TCF20: variants seen among roughly 807,000 people sequenced by gnomAD.
The protein encoded by TCF20 is transcription factor 20, also known as SPRE-binding protein.
A neutral mutation model predicts 148.6 loss-of-function variants in TCF20; 3 were observed. That is an observed-to-expected ratio of 0.02 (90% CI 0.01 to 0.05). The LOEUF (loss-of-function observed/expected upper bound fraction) is 0.05. Among genes scored for constraint, TCF20 ranks in the 10% least tolerant of loss-of-function variants. TCF20 has a pLI of 1.00. For missense variants in TCF20, 2,350 were observed against 2,429.3 expected (o/e 0.97, Z 0.69); for synonymous variants, 1,049 against 909.5 (o/e 1.15, Z -2.76).
chr22:42,285,327 G>C (rs2147021186), upstream of TCF20, among the ~76,000 whole-genome samples: 1 of 152,032 alleles, frequency 6.6e-6, no homozygotes, highest in East Asian at 1.9e-4. This position sits in a 1 kb window ranked among gnomAD's most constrained non-coding sequence, Gnocchi z 4.2. Flanking sequence ...CAGGGTTACA[G>C]GCAAGGACAC....
Position 42,161,213 on chromosome 22 carries a change from G to C in TCF20, c.*190C>G. Reference sequence around the variant, plus strand: ...TTCTTTCCTGTGGTGTCACTGGTTTGAGTGTGATGTGAGAACTTAAGGAAG... The same window carrying C: ...TTCTTTCCTGTGGTGTCACTGGTTTCAGTGTGATGTGAGAACTTAAGGAAG... On this transcript the variant is annotated 3_prime_UTR_variant, in exon 6 of 6. Transcript: ENST00000677622. 1.0e-6 allele frequency: 1 copy of C among 982,898 alleles called. No individual in the cohort carries two copies. Among genetic ancestry groups the C allele is most frequent in the Non-Finnish European group, 1.5e-6 (1 of 680,360 alleles). 60.9% of individuals were successfully genotyped at this position (982,898 alleles called of 1,614,324 possible).
intron 3 of TCF20, among the ~76,000 whole-genome samples, chr22:42,176,380 G>T (rs943547829): frequency 1.2e-4 from 3 of 24,950 alleles, no homozygotes; most frequent in South Asian, 1.3e-3. Context: ...TGGAAGGAAG[G>T]GGGGGGCAGG....
chr22:42,343,160 C>T lies in TCF20; in HGVS notation c.-37+319G>A, dbSNP rs576869239. On this transcript the variant is annotated intron_variant, in intron 1 of 1. Transcript: ENST00000515426. ...CTCCCACTGTAGAGTCAAGCGGCCC[C>T]AGGGGCAAATCCCGGCTGGCCACTT... is the stretch of plus-strand genomic sequence containing the variant. 5.1e-4 allele frequency among the ~76,000 whole-genome samples: 77 copies of T among 152,328 alleles called. 1 individual carries two copies. The South Asian group carries it at 0.016, about 32-fold the overall frequency.
At chr22:42,208,762 T>G (rs1938563641) in intron 2 of TCF20, among the ~76,000 whole-genome samples, 1 of 152,062 alleles carries the variant, frequency 6.6e-6, no homozygotes, top group African/African-American at 2.4e-5. Context: ...TGCCTTATAT[T>G]AACAGGAATT....
intron 3 of TCF20, 119 bp downstream of exon 3, chr22:42,179,490 C>CAAAAAAAAA (rs57857271): frequency 9.8e-4 from 365 of 373,000 alleles, no homozygotes; most frequent in African/African-American, 1.2e-3. Flanking sequence ...TATGAAGTGA[C>CAAAAAAAAA]AAAAAAAAAA....
intron 1 of TCF20, among the ~76,000 whole-genome samples, chr22:42,236,954 C>CT (rs1189854890): frequency 6.6e-6 from 1 of 152,184 alleles, no homozygotes; most frequent in Non-Finnish European, 1.5e-5. Flanking sequence ...GAGTCCTAAT[C>CT]TTTTTGCTGA....
At chr22:42,176,350 G>A (rs902646778) in intron 3 of TCF20, among the ~76,000 whole-genome samples, 8 of 146,788 alleles carry the variant, frequency 5.5e-5, no homozygotes, top group African/African-American at 2.0e-4. Context: ...AAAGTCAGGA[G>A]CTGCAAGCAA....
intron 2 of TCF20, among the ~76,000 whole-genome samples, chr22:42,203,656 T>C (rs1938192807): frequency 6.6e-6 from 1 of 152,158 alleles, no homozygotes. Context: ...TGCTATATAC[T>C]GAAAGCCATG....
chr22:42,283,383 C>T (rs1926952172), intron 1 of TCF20, among the ~76,000 whole-genome samples: 1 of 150,812 alleles, frequency 6.6e-6, no homozygotes, highest in Non-Finnish European at 1.5e-5. Flanking sequence ...GGATCTGGAC[C>T]GGAGGGGACG....
At chr22:42,245,731 A>G (rs773747702) in intron 1 of TCF20, among the ~76,000 whole-genome samples, 4 of 152,118 alleles carry the variant, frequency 2.6e-5, no homozygotes, top group Non-Finnish European at 5.9e-5. Context: ...GAATTAACCA[A>G]TGTTTTCTAG....
At chr22:42,265,774 C>A (rs966786571) in intron 1 of TCF20, among the ~76,000 whole-genome samples, 13 of 152,138 alleles carry the variant, frequency 8.5e-5, no homozygotes, top group African/African-American at 3.1e-4. Context: ...TGAGTGAGAG[C>A]AGTCACCATA....
intron 1 of TCF20, among the ~76,000 whole-genome samples, chr22:42,242,903 C>T (rs527777456): frequency 2.6e-5 from 4 of 151,860 alleles, no homozygotes; most frequent in African/African-American, 4.8e-5. Flanking sequence ...AGAAAAAAGA[C>T]ATGCAGGAAC....
chr22:42,298,308 G>A (rs1927271275), intron 1 of TCF20, among the ~76,000 whole-genome samples: 1 of 152,236 alleles, frequency 6.6e-6, no homozygotes, highest in South Asian at 2.1e-4. Context: ...AGAGAGGGTA[G>A]GTGAAGGTGG....
chr22:42,327,325 A>G (rs1052288895), intron 1 of TCF20, among the ~76,000 whole-genome samples: 1 of 152,118 alleles, frequency 6.6e-6, no homozygotes, highest in African/African-American at 2.4e-5. Flanking sequence ...AGCAGTGGGC[A>G]CCTGCCATGG....
At chr22:42,163,971 G>A (rs967203999) in intron 5 of TCF20, among the ~76,000 whole-genome samples, 44 of 151,928 alleles carry the variant, frequency 2.9e-4, no homozygotes, top group Non-Finnish European at 5.4e-4. Flanking sequence ...CCATCCTCGC[G>A]TCCTTCCACA....
chr22:42,281,494 A>G (rs939590825), intron 1 of TCF20, among the ~76,000 whole-genome samples: 1 of 152,166 alleles, frequency 6.6e-6, no homozygotes, highest in African/African-American at 2.4e-5. Flanking sequence ...CAACGGCTTC[A>G]GCCACAGAGT....
At chr22:42,180,136 T>C (rs764921791) in intron 2 of TCF20, among the ~76,000 whole-genome samples, 6 of 152,188 alleles carry the variant, frequency 3.9e-5, no homozygotes, top group Non-Finnish European at 7.4e-5. Context: ...GTAGTAGAGT[T>C]ATATATAAAC....
chr22:42,241,058 G>A (rs1331824524), intron 1 of TCF20, among the ~76,000 whole-genome samples: 1 of 152,130 alleles, frequency 6.6e-6, no homozygotes, highest in African/African-American at 2.4e-5. Flanking sequence ...GTTTCACCAT[G>A]TTGGCCAGGC....
intron 1 of TCF20, among the ~76,000 whole-genome samples, chr22:42,305,977 A>AG (rs1415793972): frequency 6.6e-6 from 1 of 152,192 alleles, no homozygotes; most frequent in Non-Finnish European, 1.5e-5. Context: ...AAAGGCTGGC[A>AG]TTGGCTGAGC....
Sources: gnomAD v4.1 joint callset for allele counts (sites outside exome capture counted in the v4.1 genomes callset) on GRCh38, gnomAD v4.1.1 for gene constraint, Gnocchi (gnomAD v3.1) non-coding constraint, MANE v1.5 for transcripts, NCBI Gene and HGNC (gene_info 2026-07-23, HGNC 2026-07-21) for gene names.